RGS6: variants seen among roughly 807,000 people sequenced by gnomAD.
RGS6 encodes regulator of G-protein signaling 6.
RGS6 carries 30 observed loss-of-function variants against 78.5 expected under a neutral mutation model. That is an observed-to-expected ratio of 0.38 (90% CI 0.29 to 0.52). RGS6 has a LOEUF of 0.52. Among genes scored for constraint, RGS6 ranks in the 20% least tolerant of loss-of-function variants. The probability of loss-of-function intolerance (pLI) is 0.85; values close to 1 mark genes in which losing one functional copy is unlikely to be tolerated. For missense variants in RGS6, 495 were observed against 609.7 expected (o/e 0.81, Z 1.98); for synonymous variants, 206 against 206.0 (o/e 1.00, Z 0.00).
chr14:72,465,920 T>G, intron 7 of RGS6, 98 bp downstream of exon 7: 1 of 978,704 alleles, frequency 1.0e-6, no homozygotes, highest in East Asian at 2.6e-5. Context: ...GTCCCCCTTT[T>G]GTCCCTTTCA....
intron 2 of RGS6, among the ~76,000 whole-genome samples, chr14:72,157,285 A>G (rs2153652731): frequency 6.6e-6 from 1 of 152,308 alleles, no homozygotes; most frequent in Middle Eastern, 3.4e-3. Flanking sequence ...GAAGCAAATG[A>G]TTCCGTGGAG....
chr14:71,926,810 A>C, the RGS6 span, among the ~76,000 whole-genome samples: 1 of 152,180 alleles, frequency 6.6e-6, no homozygotes, highest in Non-Finnish European at 1.5e-5. Context: ...CTGTGGTCAT[A>C]TATGACTAGG....
At chr14:72,203,539 T>C (rs114936966) in intron 2 of RGS6, among the ~76,000 whole-genome samples, 3,039 of 152,244 alleles carry the variant, frequency 0.02, 93 homozygotes, top group African/African-American at 0.069. Context: ...ACACATGTGG[T>C]TGTTGGCTGG....
intron 2 of RGS6, among the ~76,000 whole-genome samples, chr14:72,238,884 C>G (rs1194669421): frequency 6.6e-6 from 1 of 152,146 alleles, no homozygotes; most frequent in African/African-American, 2.4e-5. Flanking sequence ...CTCAAGTTGT[C>G]CCCCATCCGT....
At chr14:71,885,618 G>A in the RGS6 span, among the ~76,000 whole-genome samples, 14,973 of 152,238 alleles carry the variant, frequency 0.098, 1,623 homozygotes, top group African/African-American at 0.26. Flanking sequence ...AGAGCCCCAG[G>A]AGGATCTGAG....
At chr14:72,400,456 TCAAC>T (rs902899587) in intron 3 of RGS6, among the ~76,000 whole-genome samples, 3 of 152,236 alleles carry the variant, frequency 2.0e-5, no homozygotes, top group African/African-American at 7.2e-5. Flanking sequence ...ATTCATTCAT[TCAAC>T]CAGTGTTTAT....
intron 2 of RGS6, among the ~76,000 whole-genome samples, chr14:71,966,804 A>C (rs1469201387): frequency 6.6e-6 from 1 of 152,170 alleles, no homozygotes; most frequent in Non-Finnish European, 1.5e-5. Flanking sequence ...AGAGGAAATA[A>C]ATGATAAAAT....
intron 2 of RGS6, among the ~76,000 whole-genome samples, chr14:72,162,692 A>G (rs1344547470): frequency 1.3e-5 from 2 of 152,206 alleles, no homozygotes; most frequent in Non-Finnish European, 2.9e-5. Flanking sequence ...AGATACTTGT[A>G]TATGCATATT....
At chr14:72,508,566 T>C (rs2096839765) in intron 13 of RGS6, among the ~76,000 whole-genome samples, 4 of 49,402 alleles carry the variant, frequency 8.1e-5, no homozygotes, top group African/African-American at 9.7e-5. Flanking sequence ...AAGCTCCTTT[T>C]TTTTTTTTTT....
At chr14:72,169,011 C>T (rs1437715669) in intron 2 of RGS6, among the ~76,000 whole-genome samples, 1 of 152,236 alleles carries the variant, frequency 6.6e-6, no homozygotes, top group African/African-American at 2.4e-5. Context: ...TGCCCACCCC[C>T]ACTGCCACTG....
intron 2 of RGS6, among the ~76,000 whole-genome samples, chr14:72,115,134 C>T (rs138816072): frequency 4.6e-5 from 7 of 152,094 alleles, no homozygotes; most frequent in African/African-American, 7.2e-5. Flanking sequence ...GAACGTGTCT[C>T]GGAATATGGA....
chr14:72,262,732 C>T (rs55665622), intron 2 of RGS6, among the ~76,000 whole-genome samples: 1 of 152,168 alleles, frequency 6.6e-6, no homozygotes, highest in Non-Finnish European at 1.5e-5. Context: ...ATTTTCTTTT[C>T]CAAATGACCG....
intron 2 of RGS6, among the ~76,000 whole-genome samples, chr14:72,253,634 C>T (rs570514394): frequency 1.4e-3 from 209 of 152,278 alleles, no homozygotes; most frequent in African/African-American, 4.5e-3. Context: ...TGCTTCCTCA[C>T]CTCCTTGAAG....
intron 2 of RGS6, among the ~76,000 whole-genome samples, chr14:72,046,452 C>G (rs917643048): frequency 5.3e-5 from 8 of 152,088 alleles, no homozygotes; most frequent in Admixed American, 5.2e-4. Context: ...TAGAATCCAA[C>G]TCAAGGTTTT....
rs1010113144 is a variant in RGS6, at chr14:72,041,412, G to A, written c.84+76537G>A. On this transcript the variant is annotated intron_variant, in intron 2 of 17. Transcript: ENST00000553525. ...CACTCCACAGTACTGTAGGTTCTCC[G>A]GTACAGCAAGAAAACATCAAGTTCT... Among the ~76,000 whole-genome samples the A allele has an allele frequency of 6.6e-5, 10 of 152,086 alleles. No individual in the cohort carries two copies. The East Asian group carries it at 7.7e-4, about 12-fold the overall frequency.
At chr14:72,058,165 G>C (rs1256348804) in intron 2 of RGS6, among the ~76,000 whole-genome samples, 1 of 151,580 alleles carries the variant, frequency 6.6e-6, no homozygotes, top group South Asian at 2.1e-4. Context: ...AATCAGTCCA[G>C]CTTCCCCAGA....
chr14:72,253,171 G>T (rs2056242463), intron 2 of RGS6, among the ~76,000 whole-genome samples: 1 of 152,204 alleles, frequency 6.6e-6, no homozygotes, highest in African/African-American at 2.4e-5. Flanking sequence ...CCGTGCTTAG[G>T]CTGTAAGAGC....
chr14:72,021,155 C>T (rs2238266), intron 2 of RGS6, among the ~76,000 whole-genome samples: 119,483 of 152,126 alleles, frequency 0.79, 47,325 homozygotes, highest in South Asian at 0.88. Flanking sequence ...CTTCACTTTT[C>T]TTTTCTAATG....
At chr14:72,198,233 G>T (rs1472046348) in intron 2 of RGS6, among the ~76,000 whole-genome samples, 2 of 152,136 alleles carry the variant, frequency 1.3e-5, no homozygotes, top group Non-Finnish European at 2.9e-5. Context: ...TGCACGTGTA[G>T]TCCCAGCTAC....
Sources: allele counts gnomAD v4.1 joint callset (sites outside exome capture counted in the v4.1 genomes callset), GRCh38; gene constraint gnomAD v4.1.1; transcripts MANE v1.5; gene names NCBI Gene and HGNC (gene_info 2026-07-23, HGNC 2026-07-21).